BBX: variants seen among roughly 807,000 people sequenced by gnomAD.
BBX encodes BBX high mobility group box domain containing.
BBX carries 30 observed loss-of-function variants against 100.2 expected under a neutral mutation model. That is an observed-to-expected ratio of 0.30 (90% CI 0.22 to 0.41). BBX has a LOEUF of 0.41. Among genes scored for constraint, BBX ranks in the 10% least tolerant of loss-of-function variants. The pLI, the probability that BBX is intolerant of heterozygous loss-of-function variation, is 1.00. For missense variants in BBX, 1,023 were observed against 1,129.8 expected, an observed-to-expected ratio of 0.91 and a Z score of 1.35; for synonymous variants, 376 against 388.1, an observed-to-expected ratio of 0.97 and a Z score of 0.37.
rs1353799119 is a variant in BBX, at chr3:107,661,505, A to G, written c.-10+15596A>G. The stretch of plus-strand genomic sequence containing the variant: ...TCTCCAAAGATGAAACCCTGTGAAG[A>G]TGAATTTTAATAGGTAAAGTTACAA... On this transcript the variant is annotated intron_variant, in intron 3 of 17. Transcript: ENST00000325805. Among the ~76,000 whole-genome samples, 3 of 152,180 alleles carry G rather than the reference A, an allele frequency of 2.0e-5. No homozygotes were observed. In the East Asian group the frequency reaches 5.8e-4, roughly 29 times the overall value.
At chr3:107,668,923 T>A (rs1365244839) in intron 3 of BBX, among the ~76,000 whole-genome samples, 1 of 152,198 alleles carries the variant, frequency 6.6e-6, no homozygotes. Context: ...TTTTCTTGAT[T>A]TATGCTATTG....
chr3:107,716,569 A>G, intron 4 of BBX, 38 bp from the exon 5 acceptor site: 1 of 1,594,566 alleles, frequency 6.3e-7, no homozygotes, highest in Non-Finnish European at 8.6e-7. Context: ...ATTATCCAAA[A>G]TATGTTAAAG....
Position 107,728,799 on chromosome 3 carries a change from A to C in BBX, c.440A>C (p.Tyr147Ser). Residue 147 changes from tyrosine to serine, a missense_variant, in exon 6 of 18, where the codon TAC (tyrosine) becomes TCC (serine). By Grantham distance (144) the Tyr-to-Ser change is moderately radical. Transcript: ENST00000325805. ...KDAFMKANPG[Y>S]KWCPTTNKPV... is the part of the protein sequence containing the mutation. ...GCATTTATGAAAGCAAATCCTGGCT[A>C]CAAATGGTGTCCTACCACAAACAAG... 6.2e-7 allele frequency: 1 copy of C among 1,613,602 alleles called. No homozygotes were observed. Among genetic ancestry groups the C allele is most frequent in the Non-Finnish European group, 8.5e-7 (1 of 1,179,740 alleles).
intron 17 of BBX, 38 bp from the exon 18 acceptor site, chr3:107,805,332 T>G (rs1311706428): frequency 6.3e-7 from 1 of 1,586,510 alleles, no homozygotes; most frequent in Non-Finnish European, 8.6e-7. Flanking sequence ...TAATAACATA[T>G]GCTGAATAAG....
rs141549213 is a variant in BBX at position 107,701,575 on chromosome 3, A to G, written c.-9-8877A>G. On this transcript the variant is annotated intron_variant, in intron 3 of 17. Coordinates refer to ENST00000325805, the MANE Select transcript of BBX (RefSeq NM_001142568.3). Reference sequence around the variant, plus strand: ...TTCAAATATTAGCTTCACCAATTTCATGCTAGTAGTGTGATTTATAAACAT... The same window carrying G: ...TTCAAATATTAGCTTCACCAATTTCGTGCTAGTAGTGTGATTTATAAACAT... Among the ~76,000 whole-genome samples, 1,492 of 152,330 alleles carry G rather than the reference A, an allele frequency of 9.8e-3. 9 individuals carry two copies. Among genetic ancestry groups the G allele is most frequent in the Non-Finnish European group, 0.016 (1,064 of 68,022 alleles).
chr3:107,544,502 G>A (rs2049071701), intron 2 of BBX, among the ~76,000 whole-genome samples: 1 of 152,092 alleles, frequency 6.6e-6, no homozygotes, highest in Admixed American at 6.5e-5. Context: ...ATCACATCTG[G>A]AAACCTGTAC....
At chr3:107,529,175 C>A (rs1232158399) in intron 2 of BBX, among the ~76,000 whole-genome samples, 2 of 152,148 alleles carry the variant, frequency 1.3e-5, no homozygotes, top group Non-Finnish European at 2.9e-5. Context: ...TAAATATAGG[C>A]ATTAATTTTA....
rs775771783 is a variant in BBX, at chr3:107,773,247, A to G, written c.1526A>G (p.Lys509Arg). 1.9e-6 allele frequency: 3 copies of G among 1,614,110 alleles called. No homozygotes were observed. The highest frequency in any genetic ancestry group is 1.1e-5 in the South Asian group (1 of 91,072). The change falls in exon 11 of 18, where the codon AAG becomes AGG. Residue 509 changes from lysine (K) to arginine (R), a missense_variant. Physicochemically the swap from Lys to Arg is conservative, Grantham distance 26. Coordinates refer to ENST00000325805, the MANE Select transcript of BBX (RefSeq NM_001142568.3). The surrounding 1 kb of genome is among the most constrained non-coding windows in gnomAD (Gnocchi z 4.1). ...GIEKLGDTPR[K>R]KVRTSSSGKG... ...GAGAAACTTGGAGATACCCCTCGCA[A>G]GAAGGTCCGCACATCCTCAAGTGGC...
At chr3:107,694,846 G>C (rs1222564308) in intron 3 of BBX, among the ~76,000 whole-genome samples, 1 of 151,734 alleles carries the variant, frequency 6.6e-6, no homozygotes, top group Non-Finnish European at 1.5e-5. Context: ...TGGTTGGTAA[G>C]CTATTGATTA....
At chr3:107,649,875 G>T (rs1213249613) in intron 3 of BBX, among the ~76,000 whole-genome samples, 1 of 152,126 alleles carries the variant, frequency 6.6e-6, no homozygotes, top group Non-Finnish European at 1.5e-5. Flanking sequence ...GAATTTGGAA[G>T]TCCCAAGGAC....
At chr3:107,685,354 G>C (rs560377492) in intron 3 of BBX, among the ~76,000 whole-genome samples, 1 of 152,270 alleles carries the variant, frequency 6.6e-6, no homozygotes, top group East Asian at 1.9e-4. Flanking sequence ...GAATGTTGAG[G>C]GTAGTAATTT....
chr3:107,580,205 T>C (rs72941315), intron 2 of BBX, among the ~76,000 whole-genome samples: 8,558 of 152,194 alleles, frequency 0.056, 780 homozygotes, highest in African/African-American at 0.19. Context: ...AACATTAATG[T>C]AATACAAAAT....
chr3:107,660,424 T>C (rs1226678011), intron 3 of BBX, among the ~76,000 whole-genome samples: 2 of 150,974 alleles, frequency 1.3e-5, no homozygotes, highest in East Asian at 3.9e-4. Context: ...AGTTGACCAG[T>C]ACTTTTTGTT....
chr3:107,551,143 C>CAAAA (rs2049637729), intron 2 of BBX, among the ~76,000 whole-genome samples: 1 of 152,152 alleles, frequency 6.6e-6, no homozygotes, highest in Non-Finnish European at 1.5e-5. Flanking sequence ...TATTTATACA[C>CAAAA]TGTAAATATA....
intron 5 of BBX, among the ~76,000 whole-genome samples, chr3:107,721,709 T>G (rs1490525154): frequency 6.6e-6 from 1 of 152,048 alleles, no homozygotes; most frequent in Non-Finnish European, 1.5e-5. Flanking sequence ...TTTATAAACA[T>G]TTAAATGTTT....
chr3:107,532,846 AT>A (rs917583010), intron 2 of BBX, among the ~76,000 whole-genome samples: 9 of 152,160 alleles, frequency 5.9e-5, no homozygotes, highest in Non-Finnish European at 1.0e-4. Flanking sequence ...CTAAATTTTA[AT>A]TTGCCATACG....
Position 107,589,458 on chromosome 3 carries a change from A to G in BBX, c.-83-56378A>G, listed in dbSNP as rs556215852. On this transcript the variant is annotated intron_variant, in intron 2 of 17. Transcript: ENST00000325805. ...CTTCCCCTTGCTTCCAGATTACCCT[A>G]TTGATCAAGTTATTTGGTCCTCCAG... 2.0e-5 allele frequency among the ~76,000 whole-genome samples: 3 copies of G among 152,262 alleles called. No individual in the cohort carries two copies. The South Asian group carries it at 6.2e-4, about 32-fold the overall frequency.
rs774369611 is a variant in BBX, at chr3:107,773,679, CAG to C, written c.1915+45_1915+46del. On this transcript the variant is annotated intron_variant, in intron 11 of 17. Transcript: ENST00000325805. The surrounding 1 kb of genome is among the most constrained non-coding windows in gnomAD (Gnocchi z 4.1). ...ACCTGAAAAGAATTCAAAAACCAAA[CAG>C]AATTTCACCTTTAGACCTATTGAAA... 7 of 1,536,482 alleles carry C rather than the reference CAG, an allele frequency of 4.6e-6. No individual in the cohort carries two copies. Among genetic ancestry groups the C allele is most frequent in the South Asian group, 3.9e-5 (3 of 77,182 alleles).
intron 1 of BBX, among the ~76,000 whole-genome samples, chr3:107,525,657 A>T (rs1222884049): frequency 6.6e-6 from 1 of 152,054 alleles, no homozygotes; most frequent in Non-Finnish European, 1.5e-5. Flanking sequence ...CCGGGGTGGG[A>T]TCCCTCGCTC....
Sources: gnomAD v4.1 joint callset for allele counts (sites outside exome capture counted in the v4.1 genomes callset) on GRCh38, gnomAD v4.1.1 for gene constraint, Gnocchi (gnomAD v3.1) non-coding constraint, MANE v1.5 for transcripts, NCBI Gene and HGNC (gene_info 2026-07-23, HGNC 2026-07-21) for gene names.